Variants in EVA1C observed in about 807,000 individuals in gnomAD.
The protein encoded by EVA1C is eva-1 homolog C.
EVA1C carries 25 observed loss-of-function variants against 45.4 expected under a neutral mutation model. That is an observed-to-expected ratio of 0.55 (90% CI 0.40 to 0.77). EVA1C has a LOEUF of 0.77. Ranked by LOEUF, EVA1C falls within the 30% of genes least tolerant of loss-of-function variation. The pLI, the probability that EVA1C is intolerant of heterozygous loss-of-function variation, is 0.00. For missense variants in EVA1C, 479 were observed against 554.8 expected (o/e 0.86, Z 1.37); for synonymous variants, 190 against 221.2 (o/e 0.86, Z 1.25).
At chr21:32,416,894 CTTT>C (rs1261715074) in intron 1 of EVA1C, among the ~76,000 whole-genome samples, 1 of 152,196 alleles carries the variant, frequency 6.6e-6, no homozygotes, top group Non-Finnish European at 1.5e-5. Context: ...GTGGGGCAGT[CTTT>C]AAGGCCTTCC....
intron 4 of EVA1C, among the ~76,000 whole-genome samples, chr21:32,480,304 A>AAAAAAAAAAAAAG (rs2036732757): frequency 6.8e-6 from 1 of 147,678 alleles, no homozygotes; most frequent in African/African-American, 2.5e-5. Flanking sequence ...CTGTCTCTTA[A>AAAAAAAAAAAAAG]AAAAAAAAAA....
intron 3 of EVA1C, 83 bp from the exon 4 acceptor site, chr21:32,467,613 A>G: frequency 1.4e-6 from 2 of 1,383,932 alleles, no homozygotes; most frequent in Non-Finnish European, 1.9e-6. Flanking sequence ...GCCCCGGGGA[A>G]ATGAGCAATG....
At chr21:32,437,472 A>C (rs2035004028) in intron 1 of EVA1C, among the ~76,000 whole-genome samples, 1 of 152,178 alleles carries the variant, frequency 6.6e-6, no homozygotes, top group Non-Finnish European at 1.5e-5. Flanking sequence ...CAATCCAACC[A>C]GCATCACTCC....
intron 2 of EVA1C, among the ~76,000 whole-genome samples, chr21:32,457,389 T>C (rs983330745): frequency 3.3e-5 from 5 of 152,194 alleles, no homozygotes; most frequent in Non-Finnish European, 7.4e-5. Flanking sequence ...AGCCTGGCAC[T>C]ATTGGATCAG....
chr21:32,507,353 T>C (rs754123132), intron 7 of EVA1C, among the ~76,000 whole-genome samples: 1 of 152,004 alleles, frequency 6.6e-6, no homozygotes, highest in Non-Finnish European at 1.5e-5. Context: ...AAAGGAGTGG[T>C]GTGTGTGTGT....
upstream of EVA1C, chr21:32,412,398 G>C (rs78861468): frequency 0.14 from 20,913 of 152,658 alleles, 1,660 homozygotes; most frequent in South Asian, 0.22. Context: ...GCTGGCACCC[G>C]GCCAGCGCGG....
At chr21:32,480,010 T>G (rs542905959) in intron 4 of EVA1C, among the ~76,000 whole-genome samples, 1 of 152,308 alleles carries the variant, frequency 6.6e-6, no homozygotes, top group South Asian at 2.1e-4. Context: ...ATTAAAAGCC[T>G]TGATGTTTGG....
At chr21:32,455,315 AAAAC>A (rs745665127) in intron 2 of EVA1C, among the ~76,000 whole-genome samples, 8 of 152,308 alleles carry the variant, frequency 5.3e-5, no homozygotes, top group South Asian at 4.2e-4. Context: ...AAAAAAACAA[AAAAC>A]AAACAAACAA....
chr21:32,432,544 C>T (rs778343549), intron 1 of EVA1C, among the ~76,000 whole-genome samples: 1 of 152,006 alleles, frequency 6.6e-6, no homozygotes, highest in African/African-American at 2.4e-5. Context: ...TTGGGGTTAG[C>T]GAGAGGGGCA....
At chr21:32,469,227 T>C (rs2036288560) in intron 4 of EVA1C, among the ~76,000 whole-genome samples, 1 of 152,112 alleles carries the variant, frequency 6.6e-6, no homozygotes, top group Non-Finnish European at 1.5e-5. Flanking sequence ...AATGGGTGCA[T>C]ATGTCATATG....
At chr21:32,503,222 A>G (rs1027816057) in intron 6 of EVA1C, among the ~76,000 whole-genome samples, 1 of 152,226 alleles carries the variant, frequency 6.6e-6, no homozygotes, top group African/African-American at 2.4e-5. Flanking sequence ...ATCTCTGGCC[A>G]CACAGCAGAC....
At chr21:32,435,861 TTCAC>T (rs2034926096) in intron 1 of EVA1C, among the ~76,000 whole-genome samples, 1 of 112,310 alleles carries the variant, frequency 8.9e-6, no homozygotes, top group African/African-American at 3.5e-5. Flanking sequence ...TAAAGAAAAA[TTCAC>T]ATTTTAAATT....
intron 7 of EVA1C, among the ~76,000 whole-genome samples, chr21:32,505,638 G>A (rs192426386): frequency 9.4e-4 from 143 of 152,272 alleles, no homozygotes; most frequent in Non-Finnish European, 1.7e-3. Flanking sequence ...TTTTCTCACC[G>A]TTCTGGAGGC....
At chr21:32,432,053 T>C (rs1217597203) in intron 1 of EVA1C, among the ~76,000 whole-genome samples, 1 of 152,166 alleles carries the variant, frequency 6.6e-6, no homozygotes, top group Non-Finnish European at 1.5e-5. Flanking sequence ...TCTTTCATGG[T>C]ATTGGTATTC....
At chr21:32,440,370 C>T (rs1326046981) in intron 1 of EVA1C, among the ~76,000 whole-genome samples, 1 of 152,134 alleles carries the variant, frequency 6.6e-6, no homozygotes, top group Non-Finnish European at 1.5e-5. Context: ...GGGGATTGAT[C>T]CAGTTACTTT....
At chr21:32,469,630 G>A (rs1312667812) in intron 4 of EVA1C, among the ~76,000 whole-genome samples, 7 of 152,206 alleles carry the variant, frequency 4.6e-5, no homozygotes, top group Admixed American at 3.3e-4. Context: ...GGTGGTAGGG[G>A]CTGGCAAGTC....
At chr21:32,450,603 G>A (rs928029863) in intron 1 of EVA1C, among the ~76,000 whole-genome samples, 1 of 152,128 alleles carries the variant, frequency 6.6e-6, no homozygotes, top group African/African-American at 2.4e-5. Context: ...CACTTCAGAA[G>A]GGGCACTGGC....
At chr21:32,480,394 T>C (rs1483834423) in intron 4 of EVA1C, among the ~76,000 whole-genome samples, 1 of 149,680 alleles carries the variant, frequency 6.7e-6, no homozygotes, top group Non-Finnish European at 1.5e-5. Flanking sequence ...TGTTCACAAA[T>C]ATACTAGTAA....
At chr21:32,492,631 AC>A (rs1256964102) in intron 4 of EVA1C, among the ~76,000 whole-genome samples, 1 of 148,466 alleles carries the variant, frequency 6.7e-6, no homozygotes, top group Non-Finnish European at 1.5e-5. Context: ...CTGGGCATGA[AC>A]CCCCCACAGG....
Sources: gnomAD v4.1 joint callset for allele counts (sites outside exome capture counted in the v4.1 genomes callset) on GRCh38, gnomAD v4.1.1 for gene constraint, MANE v1.5 for transcripts, NCBI Gene and HGNC (gene_info 2026-07-23, HGNC 2026-07-21) for gene names.